Variants in TACR3 observed in about 807,000 individuals in gnomAD.
The protein encoded by TACR3 is tachykinin receptor 3.
Under a neutral mutation model 35.0 loss-of-function variants are expected in TACR3, and 34 were observed. That is an observed-to-expected ratio of 0.97 (90% CI 0.74 to 1.30). The LOEUF (loss-of-function observed/expected upper bound fraction) is 1.30. TACR3 is among the 50% of genes most tolerant of loss of function. TACR3 has a pLI of 0.00. For missense variants in TACR3, 558 were observed against 591.7 expected (o/e 0.94, Z 0.59); for synonymous variants, 233 against 221.1 (o/e 1.05, Z -0.48).
intron 1 of TACR3, among the ~76,000 whole-genome samples, chr4:103,698,240 G>C (rs1375714172): frequency 2.6e-5 from 4 of 152,020 alleles, no homozygotes; most frequent in Non-Finnish European, 5.9e-5. Context: ...TATTTTGAAG[G>C]TATAAAAGTC....
At chr4:103,702,907 G>C (rs1384212615) in intron 1 of TACR3, among the ~76,000 whole-genome samples, 1 of 110,592 alleles carries the variant, frequency 9.0e-6, no homozygotes, top group African/African-American at 3.5e-5. Flanking sequence ...GTTGTGGGGT[G>C]GGGGGAGGGG....
chr4:103,668,509 T>C (rs774201527), intron 1 of TACR3, among the ~76,000 whole-genome samples: 1 of 152,116 alleles, frequency 6.6e-6, no homozygotes. Context: ...TAAGAATGCT[T>C]ACTTTTTAAA....
chr4:103,685,118 A>G (rs569077106), intron 1 of TACR3, among the ~76,000 whole-genome samples: 2 of 152,272 alleles, frequency 1.3e-5, no homozygotes, highest in African/African-American at 4.8e-5. Flanking sequence ...TATCACATTT[A>G]AGAACTTCTG....
chr4:103,660,393 C>T (rs567780718), intron 1 of TACR3, among the ~76,000 whole-genome samples: 1 of 152,044 alleles, frequency 6.6e-6, no homozygotes, highest in Admixed American at 6.6e-5. Flanking sequence ...GCTCAGGGCT[C>T]AATGTATATA....
chr4:103,604,823 CT>C lies in TACR3; in HGVS notation c.889-13141del, dbSNP rs143724246. ...ACTGGTCATTAGAGAGATAATAATT[CT>C]TTTTTTTTTCTTTTTATTATTATAC... On this transcript the variant is annotated intron_variant, in intron 3 of 4. Coordinates refer to ENST00000304883, the MANE Select transcript of TACR3 (RefSeq NM_001059.3). Among the ~76,000 whole-genome samples the C allele has an allele frequency of 2.3e-3, 337 of 145,144 alleles. 3 individuals carry two copies. Among genetic ancestry groups the C allele is most frequent in the Non-Finnish European group, 2.3e-3 (154 of 66,342 alleles).
intron 3 of TACR3, among the ~76,000 whole-genome samples, chr4:103,627,352 TAAA>T (rs869215834): frequency 4.8e-5 from 4 of 82,492 alleles, no homozygotes; most frequent in Admixed American, 1.3e-4. Context: ...GTGTTTCCAT[TAAA>T]AAAAAAAAAA....
chr4:103,606,385 G>T (rs1218226529), intron 3 of TACR3, among the ~76,000 whole-genome samples: 2 of 152,132 alleles, frequency 1.3e-5, no homozygotes, highest in Non-Finnish European at 2.9e-5. Flanking sequence ...GTTGGATGGG[G>T]ATGGCATTGA....
chr4:103,616,302 ATGTGTG>A lies in TACR3; in HGVS notation c.889-24625_889-24620del, dbSNP rs3839189. On this transcript the variant is annotated intron_variant, in intron 3 of 4. Coordinates refer to ENST00000304883, the MANE Select transcript of TACR3 (RefSeq NM_001059.3). The stretch of plus-strand genomic sequence containing the variant: ...CAATAATGGCAGAGTACATACGTGT[ATGTGTG>A]TGTGTGTGTGTTTGTGTATCACAAA... 5.3e-5 allele frequency among the ~76,000 whole-genome samples: 8 copies of A among 151,242 alleles called. No homozygotes were observed. The East Asian group carries it at 9.8e-4, about 18-fold the overall frequency.
rs2110280439 is a variant in TACR3 at position 103,586,894 on chromosome 4, T to G, written c.*2788A>C. On this transcript the variant is annotated 3_prime_UTR_variant, in exon 5 of 5. Transcript: ENST00000304883. ...ATGTTTATTTTTGATTTAATGTATTTTGTTTAAAAGAGAATACTTACAATG... is the reference window on the plus strand; with the variant it reads ...ATGTTTATTTTTGATTTAATGTATTGTGTTTAAAAGAGAATACTTACAATG... 6.6e-6 allele frequency: 1 copy of G among 152,204 alleles called. No individual in the cohort carries two copies. Among genetic ancestry groups the G allele is most frequent in the East Asian group, 1.9e-4 (1 of 5,192 alleles). 9.4% of individuals were successfully genotyped at this position (152,204 alleles called of 1,614,324 possible).
At chr4:103,612,092 T>C (rs1156373213) in intron 3 of TACR3, among the ~76,000 whole-genome samples, 2 of 152,184 alleles carry the variant, frequency 1.3e-5, no homozygotes, top group African/African-American at 4.8e-5. Flanking sequence ...AATTTTCTTA[T>C]TGTATCTGAA....
intron 3 of TACR3, among the ~76,000 whole-genome samples, chr4:103,652,990 A>T (rs539656410): frequency 4.5e-4 from 68 of 152,208 alleles, no homozygotes; most frequent in Admixed American, 3.7e-3. Context: ...ATATTTTAAA[A>T]TTTTATTATT....
chr4:103,658,799 A>T (rs1413629839), intron 1 of TACR3, among the ~76,000 whole-genome samples: 3 of 152,008 alleles, frequency 2.0e-5, no homozygotes, highest in African/African-American at 7.2e-5. Flanking sequence ...TGAGGGAGCG[A>T]TGGTGTGGGG....
chr4:103,698,401 G>C (rs954373931), intron 1 of TACR3, among the ~76,000 whole-genome samples: 3 of 145,798 alleles, frequency 2.1e-5, no homozygotes, highest in Admixed American at 1.3e-4. Flanking sequence ...ATGCTCATTT[G>C]AAAAGTCTCA....
chr4:103,658,033 T>G (rs1175120924), intron 2 of TACR3, among the ~76,000 whole-genome samples, 182 bp downstream of exon 2: 1 of 152,186 alleles, frequency 6.6e-6, no homozygotes, highest in African/African-American at 2.4e-5. Context: ...CCTTAGTAAC[T>G]TACACAACTT....
chr4:103,619,033 T>C (rs1724721313), intron 3 of TACR3, among the ~76,000 whole-genome samples: 1 of 152,230 alleles, frequency 6.6e-6, no homozygotes, highest in South Asian at 2.1e-4. Context: ...TAATGCCATC[T>C]GCAAAGAGAG....
intron 3 of TACR3, among the ~76,000 whole-genome samples, chr4:103,599,573 A>G (rs1724136421): frequency 6.6e-6 from 1 of 152,166 alleles, no homozygotes; most frequent in Non-Finnish European, 1.5e-5. Context: ...CCCATTCAGT[A>G]TGATATTGGC....
chr4:103,657,475 G>C (rs907934354), intron 2 of TACR3, among the ~76,000 whole-genome samples: 1 of 151,890 alleles, frequency 6.6e-6, no homozygotes, highest in Non-Finnish European at 1.5e-5. Flanking sequence ...TGAACTTTGG[G>C]TAGAGCAAAG....
rs567008352 is a variant in TACR3, at chr4:103,596,183, C to T, written c.889-4500G>A. 1.2e-4 allele frequency among the ~76,000 whole-genome samples: 18 copies of T among 150,048 alleles called. No homozygotes were observed. The East Asian group carries it at 3.5e-3, about 29-fold the overall frequency. The stretch of plus-strand genomic sequence containing the variant: ...CATTTGGGGTGGTTCCAAGTCTTTG[C>T]TATTGTGAATAGTGCCGCAATAAAC... On this transcript the variant is annotated intron_variant, in intron 3 of 4. Transcript: ENST00000304883.
At chr4:103,608,326 T>C (rs945101425) in intron 3 of TACR3, among the ~76,000 whole-genome samples, 31 of 152,272 alleles carry the variant, frequency 2.0e-4, no homozygotes, top group South Asian at 1.7e-3. Context: ...AGATACCACT[T>C]GTTCTCACTT....
Sources: allele counts gnomAD v4.1 joint callset (sites outside exome capture counted in the v4.1 genomes callset), GRCh38; gene constraint gnomAD v4.1.1; transcripts MANE v1.5; gene names NCBI Gene and HGNC (gene_info 2026-07-23, HGNC 2026-07-21).